The following PBX3 variants were observed in gnomAD, a reference collection of about 807,000 sequenced individuals.
The protein encoded by PBX3 is pre-B-cell leukemia transcription factor 3.
PBX3 carries 14 observed loss-of-function variants against 48.5 expected under a neutral mutation model. That is an observed-to-expected ratio of 0.29 (90% CI 0.19 to 0.45). The LOEUF is 0.45. Ranked by LOEUF, PBX3 falls within the 20% of genes least tolerant of loss-of-function variation. PBX3 has a pLI of 1.00. For synonymous variants in PBX3, 210 were observed against 200.3 expected (o/e 1.05, Z -0.41); for missense variants, 386 against 546.7 (o/e 0.71, Z 2.93).
At chr9:125,813,825 G>A (rs1838371315) in intron 2 of PBX3, among the ~76,000 whole-genome samples, 1 of 148,158 alleles carries the variant, frequency 6.7e-6, no homozygotes. Flanking sequence ...AGGTATCACT[G>A]CTTCTGAATC....
At chr9:125,826,797 A>G (rs1389258494) in intron 2 of PBX3, among the ~76,000 whole-genome samples, 1 of 152,156 alleles carries the variant, frequency 6.6e-6, no homozygotes, top group Admixed American at 6.5e-5. Context: ...ATTTTGTTGC[A>G]TGCATAGAAT....
intron 2 of PBX3, among the ~76,000 whole-genome samples, chr9:125,775,130 G>A (rs1191431994): frequency 6.6e-6 from 1 of 152,176 alleles, no homozygotes; most frequent in East Asian, 1.9e-4. Flanking sequence ...GCCTCCCAAA[G>A]TGGTGGGATT....
intron 2 of PBX3, among the ~76,000 whole-genome samples, chr9:125,767,143 A>G (rs568439493): frequency 1.3e-5 from 2 of 152,352 alleles, no homozygotes; most frequent in East Asian, 1.9e-4. Flanking sequence ...ATTTTGAAAC[A>G]GTTAAAAAAC....
intron 4 of PBX3, among the ~76,000 whole-genome samples, chr9:125,930,446 GACAGA>G (rs1265754902): frequency 1.3e-5 from 2 of 152,160 alleles, no homozygotes; most frequent in Non-Finnish European, 1.5e-5. Flanking sequence ...CCTACTGAGT[GACAGA>G]ACAGAAGAAT....
At chr9:125,867,342 G>C (rs1840006183) in intron 2 of PBX3, among the ~76,000 whole-genome samples, 1 of 152,048 alleles carries the variant, frequency 6.6e-6, no homozygotes, top group African/African-American at 2.4e-5. Context: ...GTAAAACCAT[G>C]ACTCTAAAAA....
Position 125,831,479 on chromosome 9 carries a change from C to T in PBX3, c.274+82856C>T, listed in dbSNP as rs151005553. On this transcript the variant is annotated intron_variant, in intron 2 of 8. Transcript: ENST00000373489. Reference sequence around the variant, plus strand: ...GCTCTGTTGCCCAGGCTGAGTGGTGCGATCTCGATTAGCCAGAGTGTTTTA... The same window carrying T: ...GCTCTGTTGCCCAGGCTGAGTGGTGTGATCTCGATTAGCCAGAGTGTTTTA... Among the ~76,000 whole-genome samples the T allele has an allele frequency of 4.6e-3, 692 of 150,672 alleles. 8 individuals are homozygous for T. Among genetic ancestry groups the T allele is most frequent in the African/African-American group, 0.016 (652 of 40,866 alleles).
At chr9:125,765,445 C>A (rs933208042) in intron 2 of PBX3, among the ~76,000 whole-genome samples, 1 of 151,948 alleles carries the variant, frequency 6.6e-6, no homozygotes, top group African/African-American at 2.4e-5. Flanking sequence ...GCACAGCGCC[C>A]GACCAAGAAA....
chr9:125,865,450 A>T (rs1048815054), intron 2 of PBX3: 1 of 159,824 alleles, frequency 6.3e-6, no homozygotes, highest in Non-Finnish European at 1.5e-5. Context: ...TTGTGGCCTT[A>T]TCTGCAGTGC....
intron 2 of PBX3, among the ~76,000 whole-genome samples, chr9:125,819,822 G>A (rs2132155070): frequency 6.6e-6 from 1 of 152,154 alleles, no homozygotes; most frequent in African/African-American, 2.4e-5. Flanking sequence ...CTTAGAATAT[G>A]AAATAGCAAA....
intron 2 of PBX3, among the ~76,000 whole-genome samples, chr9:125,816,393 T>A (rs2132143265): frequency 6.6e-6 from 1 of 152,372 alleles, no homozygotes; most frequent in South Asian, 2.1e-4. Flanking sequence ...GTCTGCTCTC[T>A]TGAGCCAGAA....
chr9:125,943,090 G>C lies in PBX3; in HGVS notation c.843+7483G>C, dbSNP rs376301069. ...GGATAAAGAGACAATTTTCAGGCTG[G>C]GCACAGTGGCTCACACCTGTAATCC... On this transcript the variant is annotated intron_variant, in intron 5 of 8. Coordinates refer to ENST00000373489, the MANE Select transcript of PBX3 (RefSeq NM_006195.6). Among the ~76,000 whole-genome samples, 21 of 152,074 alleles carry C rather than the reference G, an allele frequency of 1.4e-4. No individual in the cohort carries two copies. The South Asian group carries it at 2.9e-3, about 21-fold the overall frequency.
At chr9:125,931,461 A>G (rs1841712726) in intron 4 of PBX3, among the ~76,000 whole-genome samples, 2 of 151,770 alleles carry the variant, frequency 1.3e-5, no homozygotes, top group Admixed American at 1.3e-4. Context: ...CCATGCTCGG[A>G]TAATTTTTGT....
chr9:125,858,072 A>G (rs1227986229), intron 2 of PBX3, among the ~76,000 whole-genome samples: 1 of 152,214 alleles, frequency 6.6e-6, no homozygotes, highest in Non-Finnish European at 1.5e-5. Flanking sequence ...ATGAGCATTA[A>G]CAGCATTAAG....
intron 2 of PBX3, among the ~76,000 whole-genome samples, chr9:125,869,344 A>C (rs1416896635): frequency 2.0e-5 from 3 of 152,204 alleles, no homozygotes; most frequent in African/African-American, 7.2e-5. Flanking sequence ...ATTGGAGAAG[A>C]AGCAATATTC....
intron 2 of PBX3, among the ~76,000 whole-genome samples, chr9:125,824,739 A>C (rs1838757239): frequency 6.6e-6 from 1 of 150,434 alleles, no homozygotes; most frequent in South Asian, 2.1e-4. Flanking sequence ...CTCATTGCTT[A>C]CTAGACAGTG....
intron 2 of PBX3, among the ~76,000 whole-genome samples, chr9:125,872,730 A>C (rs554428742): frequency 6.6e-6 from 1 of 152,046 alleles, no homozygotes. Context: ...ACTGCACTCC[A>C]GCCTAGGTGA....
At chr9:125,772,001 A>AGT (rs1482861056) in intron 2 of PBX3, among the ~76,000 whole-genome samples, 1 of 152,154 alleles carries the variant, frequency 6.6e-6, no homozygotes, top group East Asian at 1.9e-4. Flanking sequence ...TATGGCAGGC[A>AGT]GTGGGGTGGG....
chr9:125,912,939 T>A (rs1394964183), intron 2 of PBX3, among the ~76,000 whole-genome samples: 1 of 152,070 alleles, frequency 6.6e-6, no homozygotes, highest in Non-Finnish European at 1.5e-5. Context: ...TAAGTAATAG[T>A]GAGTGGCTAG....
intron 2 of PBX3, among the ~76,000 whole-genome samples, chr9:125,846,372 A>T (rs1839426533): frequency 1.3e-5 from 2 of 151,994 alleles, no homozygotes; most frequent in Non-Finnish European, 2.9e-5. Context: ...GTATAGGGAA[A>T]TTTTCAGGTC....
Sources: gnomAD v4.1 joint callset for allele counts (sites outside exome capture counted in the v4.1 genomes callset) on GRCh38, gnomAD v4.1.1 for gene constraint, MANE v1.5 for transcripts, NCBI Gene and HGNC (gene_info 2026-07-23, HGNC 2026-07-21) for gene names.